Variants in CALCOCO1 observed in about 807,000 individuals in gnomAD.
CALCOCO1 encodes calcium binding and coiled-coil domain 1, also known as calcium-binding and coiled-coil domain-containing protein 1.
Under a neutral mutation model 86.3 loss-of-function variants are expected in CALCOCO1, and 44 were observed. The observed-to-expected ratio is 0.51, with a 90% CI of 0.40 to 0.66. The LOEUF is 0.66. Among genes scored for constraint, CALCOCO1 ranks in the 30% least tolerant of loss-of-function variants. The pLI, the probability that CALCOCO1 is intolerant of heterozygous loss-of-function variation, is 0.00. For synonymous variants in CALCOCO1, 297 were observed against 327.6 expected, an observed-to-expected ratio of 0.91 and a Z score of 1.01; for missense variants, 708 against 851.1, an observed-to-expected ratio of 0.83 and a Z score of 2.09.
In CALCOCO1 at chr12:53,715,933, C is replaced by T; in HGVS notation, c.1120G>A (p.Asp374Asn). 1 of 1,614,086 alleles carries T rather than the reference C, an allele frequency of 6.2e-7. No individual in the cohort carries two copies. The highest frequency in any genetic ancestry group is 8.5e-7 in the Non-Finnish European group (1 of 1,180,016). Reference protein sequence around the residue: ...EELASAAAARDRTIAELHRSR... With the variant: ...EELASAAAARNRTIAELHRSR... ...CGGTGTAGTTCGGCTATGGTGCGGT[C>T]CCTGGCTGCTGCTGCACTGGCCAAC... Residue 374 changes from aspartate to asparagine, a missense_variant, in exon 9 of 15, where the codon GAC becomes AAC. By Grantham distance (23) the Asp-to-Asn change is conservative (BLOSUM62 1). Coordinates refer to ENST00000550804, the MANE Select transcript of CALCOCO1 (RefSeq NM_020898.3).
chr12:53,723,397 G>A (rs756013560), intron 4 of CALCOCO1, among the ~76,000 whole-genome samples, 196 bp downstream of exon 4: 13 of 152,174 alleles, frequency 8.5e-5, no homozygotes, highest in Non-Finnish European at 1.6e-4. Flanking sequence ...GCCTGTGGGT[G>A]GTCTCCTTTC....
Position 53,715,197 on chromosome 12 carries a change from C to T in CALCOCO1, c.1386+3G>A, listed in dbSNP as rs1402155389. The T allele has an allele frequency of 6.2e-7, 1 of 1,613,892 alleles. No homozygotes were observed. Among genetic ancestry groups the T allele is most frequent in the East Asian group, 2.2e-5 (1 of 44,898 alleles). ...CAGGACCCTTGGTGGCTGGATGCCT[C>T]ACCAGGCTAGAATCCTTCTCCCGGG... is the stretch of plus-strand genomic sequence containing the variant. On this transcript the variant is annotated splice_donor_region_variant and intron_variant, in intron 10 of 14. Coordinates refer to ENST00000550804, the MANE Select transcript of CALCOCO1 (RefSeq NM_020898.3).
chr12:53,727,266 C>T (rs1453093107), intron 1 of CALCOCO1, 138 bp downstream of exon 1: 1 of 152,194 alleles, frequency 6.6e-6, no homozygotes, highest in Non-Finnish European at 1.5e-5. Flanking sequence ...GGTGGCTTCT[C>T]CAGTACGGAA....
Position 53,711,323 on chromosome 12 carries a change from A to T in CALCOCO1, c.*621T>A. On this transcript the variant is annotated 3_prime_UTR_variant, in exon 15 of 15. Transcript: ENST00000550804. ...GATGCGAGGAGAGGATACAGAATAC[A>T]GGAATCCTCAAAAATACAAAAAACC... The T allele has an allele frequency of 2.5e-6, 1 of 397,518 alleles. No homozygotes were observed. The highest frequency in any genetic ancestry group is 4.4e-6 in the Non-Finnish European group (1 of 225,210). 24.6% of individuals were successfully genotyped at this position (397,518 alleles called of 1,614,324 possible). A position where few individuals can be genotyped will look rare whatever the true frequency, so the allele number is the denominator to read the frequency against.
Position 53,721,488 on chromosome 12 carries a change from G to A in CALCOCO1, c.737C>T (p.Thr246Met), listed in dbSNP as rs763102506. 25 of 1,611,080 alleles carry A rather than the reference G, an allele frequency of 1.6e-5. No individual in the cohort carries two copies. Among genetic ancestry groups the A allele is most frequent in the Admixed American group, 1.2e-4 (7 of 58,900 alleles). The part of the protein sequence containing the change: ...DIQTISEKVL[T>M]KEVELDRLRD... Reference sequence around the variant, plus strand: ...TCACCTGTCCAGCTCCACTTCCTTCGTCAGCACTTTCTCACTGATGGTCTG... The same window carrying A: ...TCACCTGTCCAGCTCCACTTCCTTCATCAGCACTTTCTCACTGATGGTCTG... The change falls in exon 6 of 15, where the codon ACG (threonine) becomes ATG (methionine). Residue 246 changes from threonine (T) to methionine (M), a missense_variant. Physicochemically the swap from Thr to Met is moderately conservative, Grantham distance 81 (BLOSUM62 -1). Transcript: ENST00000550804.
chr12:53,726,226 G>A (rs1946028334), intron 1 of CALCOCO1: 1 of 152,328 alleles, frequency 6.6e-6, no homozygotes, highest in Non-Finnish European at 1.5e-5. Context: ...TGTGCCTGCA[G>A]CAGGACTAGA....
chr12:53,722,621 CAG>C (rs1945906161), intron 4 of CALCOCO1, among the ~76,000 whole-genome samples: 4 of 152,130 alleles, frequency 2.6e-5, no homozygotes, highest in Admixed American at 2.0e-4. Flanking sequence ...GGCTGGAGTG[CAG>C]TGGCTAGCCA....
rs2120645335 is a variant in CALCOCO1 at position 53,723,683 on chromosome 12, C to T, written c.360G>A (p.Glu120=). Residue 120 remains glutamate (E), a synonymous_variant, in exon 4 of 15, where the codon GAG becomes GAA. Coordinates refer to ENST00000550804, the MANE Select transcript of CALCOCO1 (RefSeq NM_020898.3). ...CGQSPPFQFR[E]PRPMDELVTL... is the part of the protein sequence containing the mutation. Reference sequence around the variant, plus strand: ...TCACCAGTTCATCCATGGGCCTTGGCTCTCGGAACTGGAAAGGGGGGCTCT... The same window carrying T: ...TCACCAGTTCATCCATGGGCCTTGGTTCTCGGAACTGGAAAGGGGGGCTCT... The T allele has an allele frequency of 6.2e-7, 1 of 1,614,212 alleles. No homozygotes were observed. Among genetic ancestry groups the T allele is most frequent in the South Asian group, 1.1e-5 (1 of 91,082 alleles).
At chr12:53,717,949 C>T (rs1945770213) in intron 7 of CALCOCO1, among the ~76,000 whole-genome samples, 1 of 152,120 alleles carries the variant, frequency 6.6e-6, no homozygotes, top group African/African-American at 2.4e-5. Context: ...CTCTTGAACC[C>T]GGAAGGCAGA....
In CALCOCO1 at chr12:53,710,866, G is replaced by A. The variant is rs1488751154; in HGVS notation, c.*1078C>T. 3.3e-5 allele frequency: 6 copies of A among 180,450 alleles called. No individual in the cohort carries two copies. Among genetic ancestry groups the A allele is most frequent in the African/African-American group, 1.4e-4 (6 of 42,358 alleles). The allele number at this position is 180,450 out of a possible 1,614,324, so 11.2% of individuals were successfully genotyped here. A position where few individuals can be genotyped will look rare whatever the true frequency, so the allele number is the denominator to read the frequency against. The stretch of plus-strand genomic sequence containing the variant: ...CTGGGACTAAACCCTGAGCAGAAGT[G>A]ACAGGGACCCATGAGTTTGCTCCCT... On this transcript the variant is annotated 3_prime_UTR_variant, in exon 15 of 15. Coordinates refer to ENST00000550804, the MANE Select transcript of CALCOCO1 (RefSeq NM_020898.3).
chr12:53,714,616 C>T lies in CALCOCO1; in HGVS notation c.1464G>A (p.Gln488=), dbSNP rs1593078234. ...TGCTCACCTGTTTCTCCTCCTGTAA[C>T]TGCTCCTTTTCCTTCTGGAGCACAC... is the stretch of plus-strand genomic sequence containing the variant. The part of the protein sequence containing the change: ...ALRVLQKEKE[Q]LQEEKQELLE... Residue 488 remains glutamine, a synonymous_variant, in exon 11 of 15, where the codon CAG becomes CAA. Transcript: ENST00000550804. 1.2e-6 allele frequency: 2 copies of T among 1,614,016 alleles called. No homozygotes were observed. The highest frequency in any genetic ancestry group is 3.3e-5 in the Admixed American group (2 of 60,024).
At position 53,723,700 on chromosome 12, in the gene CALCOCO1, G is replaced by T. The variant is rs376254506; in HGVS notation, c.343C>A (p.Pro115Thr). The change falls in exon 4 of 15, where the codon CCT (proline) becomes ACT (threonine). Residue 115 changes from proline (P) to threonine (T), a missense_variant. Pro to Thr is a conservative substitution (Grantham distance 38). Transcript: ENST00000550804. ...GGCCTTGGCTCTCGGAACTGGAAAG[G>T]GGGGCTCTGCCCACACACCTGGCCC... is the stretch of plus-strand genomic sequence containing the variant. ...RQGQVCGQSP[P>T]FQFREPRPMD... The T allele has an allele frequency of 5.0e-6, 8 of 1,614,216 alleles. No individual in the cohort carries two copies. The highest frequency in any genetic ancestry group is 2.2e-5 in the South Asian group (2 of 91,084).
At chr12:53,717,314 G>A (rs1009726445) in intron 7 of CALCOCO1, among the ~76,000 whole-genome samples, 1 of 152,188 alleles carries the variant, frequency 6.6e-6, no homozygotes, top group Non-Finnish European at 1.5e-5. Context: ...GGATCCTCCT[G>A]CCTTCACCTC....
intron 4 of CALCOCO1, 36 bp from the exon 5 acceptor site, chr12:53,722,219 T>C: frequency 6.2e-7 from 1 of 1,607,998 alleles, no homozygotes; most frequent in Non-Finnish European, 8.5e-7. Context: ...AGTGTGCTGG[T>C]GGAGTACCCC....
At chr12:53,721,689 A>G in intron 5 of CALCOCO1, 74 bp from the exon 6 acceptor site, 1 of 1,569,714 alleles carries the variant, frequency 6.4e-7, no homozygotes, top group Non-Finnish European at 8.7e-7. Flanking sequence ...AAGGCTTAGG[A>G]AGAGCACACC....
Position 53,725,239 on chromosome 12 carries a change from C to T in CALCOCO1, c.4G>A (p.Glu2Lys). ...GGTGCCCGGCTTAGTGGTGATTCTT[C>T]CATCCTGGCCTTGAGATATCTGTCC... Reference protein sequence around the residue: MEESPLSRAPSR... With the variant: MKESPLSRAPSR... Residue 2 changes from glutamate (E) to lysine (K), a missense_variant, in exon 2 of 15, where the codon GAA (glutamate) becomes AAA (lysine). Transcript: ENST00000550804. The T allele has an allele frequency of 6.3e-7, 1 of 1,589,972 alleles. No individual in the cohort carries two copies. Among genetic ancestry groups the T allele is most frequent in the Non-Finnish European group, 8.6e-7 (1 of 1,169,106 alleles).
rs201037935 is a variant in CALCOCO1 at position 53,711,912 on chromosome 12, G to C, written c.*32C>G. On this transcript the variant is annotated 3_prime_UTR_variant, in exon 15 of 15. Transcript: ENST00000550804. ...TGTGTGTGAGTGTGTGTGTGCATGA[G>C]TGTGTATTTGTGCATGTACGAGGGA... The C allele has an allele frequency of 5.5e-4, 841 of 1,519,384 alleles. 1 individual carries two copies. The highest frequency in any genetic ancestry group is 6.2e-4 in the Non-Finnish European group (702 of 1,131,542). 94.1% of individuals were successfully genotyped at this position (1,519,384 alleles called of 1,614,324 possible).
chr12:53,724,505 G>A, intron 3 of CALCOCO1, 140 bp downstream of exon 3: 1 of 698,024 alleles, frequency 1.4e-6, no homozygotes, highest in Non-Finnish European at 2.6e-6. Flanking sequence ...AGCGCTGTTG[G>A]ATATATTCTC....
At chr12:53,721,720 T>C in intron 5 of CALCOCO1, 105 bp from the exon 6 acceptor site, 3 of 1,366,672 alleles carry the variant, frequency 2.2e-6, no homozygotes, top group South Asian at 1.2e-5. Flanking sequence ...TGCTTCCACC[T>C]GGCTATCACA....
Sources: allele counts gnomAD v4.1 joint callset (sites outside exome capture counted in the v4.1 genomes callset), GRCh38; gene constraint gnomAD v4.1.1; transcripts MANE v1.5; gene names NCBI Gene and HGNC (gene_info 2026-07-23, HGNC 2026-07-21).